Variants in RNF180 observed in about 807,000 individuals in gnomAD.
RNF180 encodes E3 ubiquitin-protein ligase RNF180.
A neutral mutation model predicts 59.2 loss-of-function variants in RNF180; 38 were observed. The observed-to-expected ratio is 0.64, with a 90% CI of 0.50 to 0.84. RNF180 has a LOEUF of 0.84. RNF180 is among the 40% of genes least tolerant of loss of function. RNF180 has a pLI of 0.00. For missense variants in RNF180, 705 were observed against 700.9 expected, an observed-to-expected ratio of 1.01 and a Z score of -0.07; for synonymous variants, 262 against 240.3, an observed-to-expected ratio of 1.09 and a Z score of -0.84.
intron 7 of RNF180, among the ~76,000 whole-genome samples, chr5:64,362,063 CTTAAA>C (rs760978584): frequency 1.4e-3 from 208 of 149,854 alleles, no homozygotes; most frequent in African/African-American, 4.5e-3. Context: ...TTTAATTAAA[CTTAAA>C]TTTAATTTAT....
intron 5 of RNF180, among the ~76,000 whole-genome samples, chr5:64,285,915 C>G (rs1020138395): frequency 1.6e-4 from 24 of 152,258 alleles, no homozygotes; most frequent in African/African-American, 5.1e-4. Flanking sequence ...CTAAGCAGCT[C>G]TCCCTGCCAG....
At chr5:64,317,738 ATATGTT>A (rs1744133324) in intron 5 of RNF180, among the ~76,000 whole-genome samples, 1 of 151,944 alleles carries the variant, frequency 6.6e-6, no homozygotes, top group African/African-American at 2.4e-5. Flanking sequence ...CTATATATAT[ATATGTT>A]TACACACATA....
intron 7 of RNF180, among the ~76,000 whole-genome samples, chr5:64,364,326 T>A (rs1485007714): frequency 6.6e-6 from 1 of 151,796 alleles, no homozygotes; most frequent in Non-Finnish European, 1.5e-5. Context: ...CTGCATCTAT[T>A]GAGATGATGG....
intron 5 of RNF180, among the ~76,000 whole-genome samples, chr5:64,257,720 A>C (rs995098970): frequency 6.6e-6 from 1 of 152,174 alleles, no homozygotes; most frequent in African/African-American, 2.4e-5. Flanking sequence ...CTGGCCTCAT[A>C]AAATGAGTTA....
Position 64,234,710 on chromosome 5 carries a change from C to T in RNF180, c.1227+17314C>T, listed in dbSNP as rs527639300. ...CGCCTCCCGGGTTCACCCCATTCTC[C>T]GGCCTCAGCCTCCCGAGTAGCTGGG... is the stretch of plus-strand genomic sequence containing the variant. On this transcript the variant is annotated intron_variant, in intron 5 of 7. Transcript: ENST00000389100. 1.1e-3 allele frequency among the ~76,000 whole-genome samples: 157 copies of T among 146,908 alleles called. 1 individual carries two copies. The highest frequency in any genetic ancestry group is 1.9e-3 in the Non-Finnish European group (126 of 66,986).
intron 7 of RNF180, among the ~76,000 whole-genome samples, chr5:64,351,483 G>C (rs1387625343): frequency 6.6e-6 from 1 of 152,070 alleles, no homozygotes. Context: ...TCTTGTGCCA[G>C]TTTTCAAAGG....
chr5:64,225,658 C>G (rs961659999), intron 5 of RNF180, among the ~76,000 whole-genome samples: 1 of 134,686 alleles, frequency 7.4e-6, no homozygotes, highest in African/African-American at 2.8e-5. Flanking sequence ...AAGTGAGGAG[C>G]GCCTCTGCCC....
upstream of RNF180, among the ~76,000 whole-genome samples, chr5:64,165,528 T>C (rs577938964): frequency 7.2e-5 from 11 of 152,328 alleles, no homozygotes; most frequent in East Asian, 1.9e-3. Context: ...TTGGATCTCT[T>C]AACTCCAGAA....
chr5:64,306,632 T>G (rs1468873551), intron 5 of RNF180, among the ~76,000 whole-genome samples: 1 of 151,746 alleles, frequency 6.6e-6, no homozygotes, highest in African/African-American at 2.4e-5. Context: ...CACCATGGAA[T>G]GCTATGCAGC....
rs1055457325 is a variant in RNF180 at position 64,202,826 on chromosome 5, T to C, written c.135+1884T>C. Among the ~76,000 whole-genome samples, 3 of 152,336 alleles carry C rather than the reference T, an allele frequency of 2.0e-5. No homozygotes were observed. In the South Asian group the frequency reaches 6.2e-4, roughly 32 times the overall value. Reference sequence around the variant, plus strand: ...CAGTAACTCTTTGAGGAAGATAACCTATCATCTCCATTTGCTAGATAAGGA... The same window carrying C: ...CAGTAACTCTTTGAGGAAGATAACCCATCATCTCCATTTGCTAGATAAGGA... On this transcript the variant is annotated intron_variant, in intron 2 of 7. Transcript: ENST00000389100.
At chr5:64,184,177 G>T (rs941035178) in intron 1 of RNF180, among the ~76,000 whole-genome samples, 2 of 152,172 alleles carry the variant, frequency 1.3e-5, no homozygotes, top group African/African-American at 4.8e-5. Flanking sequence ...CAAACCTGCT[G>T]ATGTCTTGAT....
intron 5 of RNF180, among the ~76,000 whole-genome samples, chr5:64,268,306 G>C (rs1405305851): frequency 6.6e-6 from 1 of 152,134 alleles, no homozygotes; most frequent in Non-Finnish European, 1.5e-5. Context: ...CTACAATTTA[G>C]AGTGTATTCT....
At chr5:64,342,999 C>G (rs1580282829) in intron 7 of RNF180, among the ~76,000 whole-genome samples, 9 of 152,264 alleles carry the variant, frequency 5.9e-5, no homozygotes. Flanking sequence ...GGATGAGTCT[C>G]TCACTCTGTC....
intron 7 of RNF180, among the ~76,000 whole-genome samples, chr5:64,364,354 G>C (rs1026079668): frequency 1.3e-5 from 2 of 151,768 alleles, no homozygotes; most frequent in Admixed American, 1.3e-4. Flanking sequence ...CTTTAGTTCT[G>C]TTTATGTGAC....
chr5:64,306,985 TAAAAA>T (rs1488875330), intron 5 of RNF180, among the ~76,000 whole-genome samples: 1 of 146,698 alleles, frequency 6.8e-6, no homozygotes, highest in Non-Finnish European at 1.5e-5. Context: ...AATAATAAAA[TAAAAA>T]ATAAAAAAAT....
chr5:64,350,922 G>T (rs1271823234), intron 7 of RNF180, among the ~76,000 whole-genome samples: 1 of 151,990 alleles, frequency 6.6e-6, no homozygotes, highest in Non-Finnish European at 1.5e-5. Context: ...GAACTTTAAA[G>T]TAGTTTTTTC....
At chr5:64,266,937 C>T (rs1025766910) in intron 5 of RNF180, among the ~76,000 whole-genome samples, 1 of 152,082 alleles carries the variant, frequency 6.6e-6, no homozygotes, top group Non-Finnish European at 1.5e-5. Context: ...TATGTGGCAG[C>T]AAAACCTGAC....
intron 5 of RNF180, among the ~76,000 whole-genome samples, chr5:64,295,936 A>C (rs1193268936): frequency 1.3e-5 from 2 of 152,196 alleles, no homozygotes; most frequent in Admixed American, 6.6e-5. Flanking sequence ...TTATATAGGA[A>C]TGTTATAGGG....
chr5:64,251,912 A>G (rs937017992), intron 5 of RNF180, among the ~76,000 whole-genome samples: 6 of 152,178 alleles, frequency 3.9e-5, no homozygotes, highest in African/African-American at 9.6e-5. Flanking sequence ...ACTGAAAACT[A>G]TAAAATATTG....
Sources: gnomAD v4.1 joint callset for allele counts (sites outside exome capture counted in the v4.1 genomes callset) on GRCh38, gnomAD v4.1.1 for gene constraint, MANE v1.5 for transcripts, NCBI Gene and HGNC (gene_info 2026-07-23, HGNC 2026-07-21) for gene names.